CDH8: variants seen among roughly 807,000 people sequenced by gnomAD.
The protein encoded by CDH8 is cadherin 8.
A neutral mutation model predicts 68.1 loss-of-function variants in CDH8; 17 were observed. The ratio of observed to expected loss-of-function variants is 0.25; its 90% CI spans 0.17 to 0.37. The LOEUF (loss-of-function observed/expected upper bound fraction) is 0.37. CDH8 is among the 10% of genes least tolerant of loss of function. The probability of loss-of-function intolerance (pLI) is 1.00; values close to 1 mark genes in which losing one functional copy is unlikely to be tolerated. For synonymous variants in CDH8, 372 were observed against 365.1 expected, an observed-to-expected ratio of 1.02 and a Z score of -0.21; for missense variants, 763 against 999.3, an observed-to-expected ratio of 0.76 and a Z score of 3.19.
chr16:61,994,173 G>T (rs2150591704), intron 2 of CDH8, among the ~76,000 whole-genome samples: 1 of 152,198 alleles, frequency 6.6e-6, no homozygotes, highest in African/African-American at 2.4e-5. Context: ...TTGCATTCTT[G>T]TTCCCCTCAT....
intron 4 of CDH8, among the ~76,000 whole-genome samples, chr16:61,844,808 C>T (rs1040473447): frequency 7.9e-5 from 12 of 152,104 alleles, no homozygotes; most frequent in African/African-American, 1.7e-4. Context: ...AGAAAAAACA[C>T]GACCTGTGGC....
Position 61,655,694 on chromosome 16 carries a change from T to A in CDH8, c.1682A>T (p.His561Leu). Residue 561 changes from histidine (H) to leucine (L), a missense_variant, in exon 11 of 12, where the codon CAT becomes CTT. By Grantham distance (99) the His-to-Leu change is moderately conservative. Coordinates refer to ENST00000577390, the MANE Select transcript of CDH8 (RefSeq NM_001796.5). ...EDNSLSILAKHNGFNRQKQEV... is the reference protein window; with the variant it reads ...EDNSLSILAKLNGFNRQKQEV... ...TTGCTTCTGGCGGTTGAATCCATTA[T>A]GCTTTGCCAAAATACTGAGGGAATT... 6.2e-7 allele frequency: 1 copy of A among 1,614,074 alleles called. No individual in the cohort carries two copies. Among genetic ancestry groups the A allele is most frequent in the Non-Finnish European group, 8.5e-7 (1 of 1,179,906 alleles).
chr16:61,702,752 T>G (rs921018245), intron 10 of CDH8, among the ~76,000 whole-genome samples: 1 of 152,194 alleles, frequency 6.6e-6, no homozygotes, highest in Non-Finnish European at 1.5e-5. Flanking sequence ...TGAGCAAATG[T>G]TCTGGGAATA....
chr16:61,778,457 G>C (rs1960955954), intron 8 of CDH8, among the ~76,000 whole-genome samples: 1 of 152,094 alleles, frequency 6.6e-6, no homozygotes. Flanking sequence ...ACTGCACCTA[G>C]AAGTAACACA....
At chr16:61,991,456 T>TA in intron 2 of CDH8, among the ~76,000 whole-genome samples, 1 of 152,328 alleles carries the variant, frequency 6.6e-6, no homozygotes, top group South Asian at 2.1e-4. Flanking sequence ...AGGCAAGCAA[T>TA]AACATGACTA....
chr16:61,833,288 G>A (rs1962501437), intron 4 of CDH8, among the ~76,000 whole-genome samples: 1 of 151,370 alleles, frequency 6.6e-6, no homozygotes, highest in South Asian at 2.1e-4. Context: ...ACATATAAAT[G>A]TAGATAAATT....
chr16:61,977,318 G>A (rs1255057875), intron 2 of CDH8, among the ~76,000 whole-genome samples: 1 of 152,102 alleles, frequency 6.6e-6, no homozygotes, highest in African/African-American at 2.4e-5. Context: ...AGGAAGTCTT[G>A]TATTACAAAT....
intron 9 of CDH8, among the ~76,000 whole-genome samples, chr16:61,718,377 C>G (rs1959194507): frequency 6.6e-6 from 1 of 151,412 alleles, no homozygotes. Context: ...GAATATATGT[C>G]TATCTCTAGG....
intron 8 of CDH8, among the ~76,000 whole-genome samples, chr16:61,754,230 A>T (rs528906428): frequency 6.6e-6 from 1 of 152,218 alleles, no homozygotes; most frequent in South Asian, 2.1e-4. Flanking sequence ...TGAGAAAAAA[A>T]CTCTTAGCAT....
At chr16:61,719,604 T>C (rs572639594) in intron 9 of CDH8, among the ~76,000 whole-genome samples, 1 of 151,182 alleles carries the variant, frequency 6.6e-6, no homozygotes, top group African/African-American at 2.4e-5. Context: ...TAGGATAAAA[T>C]TCACAGTTTT....
At chr16:61,959,978 G>GTATATATA (rs1230866201) in intron 2 of CDH8, among the ~76,000 whole-genome samples, 1 of 46,514 alleles carries the variant, frequency 2.1e-5, no homozygotes, top group East Asian at 1.0e-3. Context: ...GTATGTGTGT[G>GTATATATA]TGTGTGTATA....
intron 10 of CDH8, among the ~76,000 whole-genome samples, chr16:61,670,700 A>C (rs1228542518): frequency 6.6e-6 from 1 of 152,036 alleles, no homozygotes; most frequent in Non-Finnish European, 1.5e-5. Flanking sequence ...AATCTGTGGG[A>C]TATCCATCCC....
chr16:62,006,287 C>G (rs1174894231), intron 2 of CDH8, among the ~76,000 whole-genome samples: 3 of 152,136 alleles, frequency 2.0e-5, no homozygotes, highest in African/African-American at 7.2e-5. Flanking sequence ...TCCACAAGAG[C>G]CCTTCCGTGT....
At chr16:61,823,540 T>TGG (rs1244324468) in intron 5 of CDH8, among the ~76,000 whole-genome samples, 4 of 151,918 alleles carry the variant, frequency 2.6e-5, no homozygotes, top group African/African-American at 7.2e-5. Flanking sequence ...AGGGCTACCA[T>TGG]CACCTTTTAT....
At chr16:61,707,475 C>T (rs1461709194) in intron 10 of CDH8, among the ~76,000 whole-genome samples, 1 of 152,020 alleles carries the variant, frequency 6.6e-6, no homozygotes, top group African/African-American at 2.4e-5. Context: ...GTGTCTCTCC[C>T]TTATGTTTCA....
chr16:61,801,056 CATTATT>C (rs1283603950), intron 7 of CDH8, among the ~76,000 whole-genome samples: 7 of 151,704 alleles, frequency 4.6e-5, no homozygotes, highest in Non-Finnish European at 1.0e-4. Flanking sequence ...AGAATATAAG[CATTATT>C]ATTAAGTTTT....
chr16:61,878,122 T>TTGG (rs1273999336), intron 3 of CDH8, among the ~76,000 whole-genome samples: 1 of 152,186 alleles, frequency 6.6e-6, no homozygotes, highest in Non-Finnish European at 1.5e-5. Flanking sequence ...CTGTTAAGTG[T>TTGG]TAGAGAAGGA....
chr16:61,871,121 G>T (rs1201910424), intron 3 of CDH8, among the ~76,000 whole-genome samples: 1 of 151,490 alleles, frequency 6.6e-6, no homozygotes, highest in African/African-American at 2.4e-5. Context: ...AATTAGTCCA[G>T]CCAGGAAAAC....
intron 2 of CDH8, among the ~76,000 whole-genome samples, chr16:61,929,942 CAT>C (rs1964514584): frequency 6.6e-6 from 1 of 152,052 alleles, no homozygotes; most frequent in African/African-American, 2.4e-5. Flanking sequence ...ATGTCAATTA[CAT>C]GACTCAGCCA....
Sources: allele counts gnomAD v4.1 joint callset (sites outside exome capture counted in the v4.1 genomes callset), GRCh38; gene constraint gnomAD v4.1.1; transcripts MANE v1.5; gene names NCBI Gene and HGNC (gene_info 2026-07-23, HGNC 2026-07-21).